WDR36: variants seen among roughly 807,000 people sequenced by gnomAD.
WDR36 encodes the protein WD repeat domain 36, also known as WD repeat-containing protein 36.
In WDR36, 63 loss-of-function variants were observed where a neutral mutation model predicts 112.7. That is an observed-to-expected ratio of 0.56 (90% CI 0.46 to 0.69). The LOEUF is 0.69. Among genes scored for constraint, WDR36 ranks in the 30% least tolerant of loss-of-function variants. The pLI is 0.00. For synonymous variants in WDR36, 410 were observed against 362.2 expected, an observed-to-expected ratio of 1.13 and a Z score of -1.50; for missense variants, 1,226 against 1,070.3, an observed-to-expected ratio of 1.15 and a Z score of -2.03.
intron 1 of WDR36, among the ~76,000 whole-genome samples, chr5:111,093,967 A>G (rs1166328771): frequency 2.0e-5 from 3 of 152,172 alleles, no homozygotes; most frequent in South Asian, 4.1e-4. Context: ...CAGACTGTAC[A>G]CTGCTCAGAT....
chr5:111,102,269 C>A, intron 5 of WDR36, 76 bp from the exon 6 acceptor site: 1 of 1,124,132 alleles, frequency 8.9e-7, no homozygotes, highest in Non-Finnish European at 1.3e-6. Context: ...TATTATTTCA[C>A]TTTTTAATGT....
intron 6 of WDR36, among the ~76,000 whole-genome samples, chr5:111,102,814 G>T (rs554195377): frequency 1.3e-5 from 2 of 151,568 alleles, no homozygotes; most frequent in Non-Finnish European, 3.0e-5. Flanking sequence ...TGTTTGATTC[G>T]ATGATGGACT....
intron 21 of WDR36, 151 bp downstream of exon 21, chr5:111,124,340 G>A: frequency 1.6e-6 from 1 of 644,354 alleles, no homozygotes; most frequent in Non-Finnish European, 2.5e-6. Context: ...CGTAATTTTA[G>A]CATTTATATT....
intron 1 of WDR36, among the ~76,000 whole-genome samples, chr5:111,093,926 G>A (rs1449690962): frequency 2.0e-5 from 3 of 152,044 alleles, no homozygotes; most frequent in African/African-American, 4.8e-5. Context: ...TGATACATTC[G>A]TAACATCATG....
intron 11 of WDR36, 85 bp from the exon 12 acceptor site, chr5:111,107,209 T>C (rs1391920670): frequency 2.7e-6 from 4 of 1,463,296 alleles, no homozygotes; most frequent in Admixed American, 3.9e-5. Context: ...GTATCCCTAG[T>C]GTCTGAAATA....
At chr5:111,106,895 T>TC (rs1260392782) in intron 11 of WDR36, among the ~76,000 whole-genome samples, 3 of 151,018 alleles carry the variant, frequency 2.0e-5, no homozygotes, top group Non-Finnish European at 4.5e-5. Context: ...GTGCATGTTA[T>TC]CCCCCCCAGG....
In WDR36 at chr5:111,098,733, C is replaced by A; in HGVS notation, c.303C>A (p.Thr101=). 1 of 1,602,868 alleles carries A rather than the reference C, an allele frequency of 6.2e-7. No individual in the cohort carries two copies. Among genetic ancestry groups the A allele is most frequent in the Middle Eastern group, 1.7e-4 (1 of 6,030 alleles). ...CTTCGATGTTTTAGATAGTACATAC[C>A]TTTAAGGGTCATAAGGCAGAAATCC... The part of the protein sequence containing the change: ...AFARNKEIVH[T]FKGHKAEIHF... Residue 101 remains threonine, a synonymous_variant, in exon 4 of 23, where the codon ACC becomes ACA. Coordinates refer to ENST00000513710, the MANE Select transcript of WDR36 (RefSeq NM_139281.3).
chr5:111,092,411 T>C lies in WDR36; in HGVS notation c.-46T>C. On this transcript the variant is annotated 5_prime_UTR_variant, in exon 1 of 23. Coordinates refer to ENST00000513710, the MANE Select transcript of WDR36 (RefSeq NM_139281.3). Reference sequence around the variant, plus strand: ...ACACGCTGAAGGGACTGGGTACGTGTTTTCCTTCAGGACCAGAGCTGAGAG... The same window carrying C: ...ACACGCTGAAGGGACTGGGTACGTGCTTTCCTTCAGGACCAGAGCTGAGAG... 6.2e-7 allele frequency: 1 copy of C among 1,614,176 alleles called. No homozygotes were observed. Among genetic ancestry groups the C allele is most frequent in the Non-Finnish European group, 8.5e-7 (1 of 1,180,022 alleles).
At chr5:111,114,515 G>T (rs1204054618) in intron 16 of WDR36, among the ~76,000 whole-genome samples, 1 of 152,126 alleles carries the variant, frequency 6.6e-6, no homozygotes, top group Non-Finnish European at 1.5e-5. Flanking sequence ...ATATACACTG[G>T]ATTTGTAGTA....
chr5:111,094,902 T>G lies in WDR36; in HGVS notation c.163-18T>G, dbSNP rs1435333238. 1.3e-6 allele frequency: 2 copies of G among 1,587,848 alleles called. No individual in the cohort carries two copies. Among genetic ancestry groups the G allele is most frequent in the Non-Finnish European group, 1.7e-6 (2 of 1,161,684 alleles). On this transcript the variant is annotated intron_variant, in intron 1 of 22. Coordinates refer to ENST00000513710, the MANE Select transcript of WDR36 (RefSeq NM_139281.3). ...ATGTTTGTTAATGAAAATTTAACCT[T>G]TTTTCTTTTTTAAACAGGTTCAGAA...
rs143807640 is a variant in WDR36, at chr5:111,092,675, C to G, written c.162+57C>G. ...AAACCACCCTCCTTGGCCTCTAACTCTGTCCTGGAGCAGTCCGGTTCTCCC... is the reference window on the plus strand; with the variant it reads ...AAACCACCCTCCTTGGCCTCTAACTGTGTCCTGGAGCAGTCCGGTTCTCCC... On this transcript the variant is annotated intron_variant, in intron 1 of 22. Transcript: ENST00000513710. 231 of 1,556,716 alleles carry G rather than the reference C, an allele frequency of 1.5e-4. 1 individual carries two copies. The African/African-American group carries it at 2.9e-3, about 20-fold the overall frequency.
chr5:111,125,557 C>T (rs2112593266), intron 21 of WDR36, 51 bp from the exon 22 acceptor site: 1 of 1,552,450 alleles, frequency 6.4e-7, no homozygotes, highest in Non-Finnish European at 8.8e-7. Flanking sequence ...CTGTAATTTT[C>T]TAAGTTAAAT....
At chr5:111,121,220 C>G in intron 19 of WDR36, 79 bp downstream of exon 19, 1 of 1,509,282 alleles carries the variant, frequency 6.6e-7, no homozygotes. Flanking sequence ...AGAACTTCTC[C>G]TACATTGAGG....
chr5:111,117,354 C>A (rs901089563), intron 16 of WDR36, among the ~76,000 whole-genome samples: 1 of 152,066 alleles, frequency 6.6e-6, no homozygotes, highest in African/African-American at 2.4e-5. Flanking sequence ...TTGAGAGAGG[C>A]GTTTTACCAT....
At chr5:111,097,963 T>C (rs1165000519) in intron 3 of WDR36, among the ~76,000 whole-genome samples, 1 of 152,224 alleles carries the variant, frequency 6.6e-6, no homozygotes, top group Non-Finnish European at 1.5e-5. Context: ...TTTTGTATTG[T>C]TGTTTATAGT....
Position 111,103,844 on chromosome 5 carries a change from A to G in WDR36, c.656A>G (p.Asn219Ser), listed in dbSNP as rs1753168376. Residue 219 changes from asparagine to serine, a missense_variant, in exon 7 of 23, where the codon AAC becomes AGC. Physicochemically the swap from Asn to Ser is conservative, Grantham distance 46 (BLOSUM62 1). Coordinates refer to ENST00000513710, the MANE Select transcript of WDR36 (RefSeq NM_139281.3). ...GLMSGQVIIH[N>S]IKFNETLMKF... Reference sequence around the variant, plus strand: ...ATGTCAGGTCAAGTTATCATTCACAACATTAAATTTAATGAAACATTAATG... The same window carrying G: ...ATGTCAGGTCAAGTTATCATTCACAGCATTAAATTTAATGAAACATTAATG... 2 of 1,611,480 alleles carry G rather than the reference A, an allele frequency of 1.2e-6. No individual in the cohort carries two copies. The highest frequency in any genetic ancestry group is 2.2e-5 in the South Asian group (2 of 91,014).
rs747328828 is a variant in WDR36, at chr5:111,092,407, C to T, written c.-50C>T. On this transcript the variant is annotated 5_prime_UTR_variant, in exon 1 of 23. It adds an upstream start codon to the 5' untranslated region. Coordinates refer to ENST00000513710, the MANE Select transcript of WDR36 (RefSeq NM_139281.3). The stretch of plus-strand genomic sequence containing the variant: ...CTAGACACGCTGAAGGGACTGGGTA[C>T]GTGTTTTCCTTCAGGACCAGAGCTG... 1 of 1,614,228 alleles carries T rather than the reference C, an allele frequency of 6.2e-7. No homozygotes were observed. The highest frequency in any genetic ancestry group is 8.5e-7 in the Non-Finnish European group (1 of 1,180,046).
chr5:111,095,005 A>G (rs1752946093), intron 2 of WDR36, 58 bp downstream of exon 2: 14 of 1,500,652 alleles, frequency 9.3e-6, no homozygotes, highest in African/African-American at 4.1e-5. Flanking sequence ...TTATTTTGAC[A>G]TAAATGTGAG....
intron 16 of WDR36, among the ~76,000 whole-genome samples, chr5:111,114,286 A>G (rs1485452510): frequency 6.6e-6 from 1 of 152,314 alleles, no homozygotes; most frequent in African/African-American, 2.4e-5. Context: ...TTTAACAGTA[A>G]CATACCATTA....
Sources: gnomAD v4.1 joint callset for allele counts (sites outside exome capture counted in the v4.1 genomes callset) on GRCh38, gnomAD v4.1.1 for gene constraint, MANE v1.5 for transcripts, NCBI Gene and HGNC (gene_info 2026-07-23, HGNC 2026-07-21) for gene names.